CD55: variants seen among roughly 807,000 people sequenced by gnomAD.
CD55 encodes complement decay-accelerating factor.
Under a neutral mutation model 45.8 loss-of-function variants are expected in CD55, and 41 were observed. That is an observed-to-expected ratio of 0.90 (90% CI 0.70 to 1.16). The LOEUF (loss-of-function observed/expected upper bound fraction) is 1.16, where lower values mean the gene tolerates loss of function less well. Among genes scored for constraint, CD55 ranks in the 50% most tolerant of loss-of-function variants. The pLI is 0.00. For missense variants in CD55, 416 were observed against 469.8 expected (o/e 0.89, Z 1.06); for synonymous variants, 181 against 181.1 (o/e 1.00, Z 0.01).
chr1:207,339,019 A>T (rs1347690258), intron 8 of CD55, among the ~76,000 whole-genome samples: 1 of 152,134 alleles, frequency 6.6e-6, no homozygotes, highest in African/African-American at 2.4e-5. Flanking sequence ...GCTAAAAGGG[A>T]CTTAGTCGTC....
rs1289495599 is a variant in CD55 at position 207,356,037 on chromosome 1, A to G, written c.1082-3509A>G. ...ATACAAAATGCAATTAATATCTCCT[A>G]TTTGTAACTCACTTCATAACCAGTA... On this transcript the variant is annotated intron_variant, in intron 9 of 9. Transcript: ENST00000367064. Among the ~76,000 whole-genome samples the G allele has an allele frequency of 2.6e-5, 4 of 152,214 alleles. No homozygotes were observed. In the South Asian group the frequency reaches 6.2e-4, roughly 24 times the overall value.
intron 7 of CD55, 71 bp from the exon 8 acceptor site, chr1:207,337,258 C>G (rs1655220859): frequency 1.0e-6 from 1 of 975,040 alleles, no homozygotes; most frequent in Admixed American, 1.8e-5. Flanking sequence ...CACGTAAGTC[C>G]ACTAATGTAC....
intron 3 of CD55, among the ~76,000 whole-genome samples, chr1:207,325,019 T>C (rs1015331363): frequency 2.6e-5 from 4 of 152,098 alleles, no homozygotes; most frequent in African/African-American, 9.7e-5. Context: ...TCAAAACTTA[T>C]TATAAAGAGA....
chr1:207,324,513 AAATTG>A, intron 2 of CD55, 41 bp from the exon 3 acceptor site: 1 of 1,377,432 alleles, frequency 7.3e-7, no homozygotes, highest in Non-Finnish European at 9.9e-7. Flanking sequence ...TATAAAACAA[AAATTG>A]ATACTACATT....
chr1:207,323,730 A>C (rs371193553), intron 2 of CD55, among the ~76,000 whole-genome samples: 1 of 152,224 alleles, frequency 6.6e-6, no homozygotes, highest in Non-Finnish European at 1.5e-5. Flanking sequence ...TTTTATCCAC[A>C]ATAGAGGCAG....
intron 2 of CD55, among the ~76,000 whole-genome samples, chr1:207,323,988 C>A (rs1287232646): frequency 6.6e-6 from 1 of 152,178 alleles, no homozygotes; most frequent in Non-Finnish European, 1.5e-5. Context: ...TTGACCATGC[C>A]TCTCTAGATT....
intron 9 of CD55, among the ~76,000 whole-genome samples, chr1:207,355,420 T>C: frequency 6.6e-6 from 1 of 152,102 alleles, no homozygotes; most frequent in Non-Finnish European, 1.5e-5. Context: ...AGAAGAAAGA[T>C]TGTGTAAGCT....
intron 9 of CD55, among the ~76,000 whole-genome samples, chr1:207,351,386 A>C (rs566972120): frequency 7.2e-5 from 11 of 152,218 alleles, no homozygotes; most frequent in South Asian, 4.1e-4. Flanking sequence ...AGTTTAGGTC[A>C]TGAATATCTT....
intron 9 of CD55, chr1:207,350,154 A>C: frequency 2.2e-6 from 1 of 453,320 alleles, no homozygotes; most frequent in South Asian, 1.6e-5. Context: ...TTATGTGATG[A>C]ATCACATTTA....
intron 9 of CD55, chr1:207,340,893 C>T (rs1655398877): frequency 6.4e-6 from 2 of 313,146 alleles, no homozygotes; most frequent in African/African-American, 2.2e-5. Flanking sequence ...AGTGGTTGTA[C>T]TAATTTACAT....
At position 207,337,348 on chromosome 1, in the gene CD55, T is replaced by C; in HGVS notation, c.999T>C (p.Val333=). The change falls in exon 8 of 10, where the codon GTT becomes GTC. Residue 333 remains valine, a synonymous_variant. Transcript: ENST00000367064. ...PNAQATRSTP[V]SRTTKHFHET... ...TTACAGCAACACGGAGTACACCTGT[T>C]TCCAGGACAACCAAGCATTTTCATG... is the stretch of plus-strand genomic sequence containing the variant. The C allele has an allele frequency of 2.5e-6, 4 of 1,610,286 alleles. No individual in the cohort carries two copies. Among genetic ancestry groups the C allele is most frequent in the Non-Finnish European group, 3.4e-6 (4 of 1,176,590 alleles).
intron 5 of CD55, among the ~76,000 whole-genome samples, chr1:207,329,149 T>C (rs987813659): frequency 6.6e-6 from 1 of 152,200 alleles, no homozygotes; most frequent in Admixed American, 6.5e-5. Context: ...GCACAGGGAA[T>C]TCTGGGTGCT....
chr1:207,356,711 A>ATTGCTTG (rs1656088978), intron 9 of CD55, among the ~76,000 whole-genome samples: 1 of 152,214 alleles, frequency 6.6e-6, no homozygotes, highest in Non-Finnish European at 1.5e-5. Context: ...TGCTTAGAAC[A>ATTGCTTG]TTGCTTGGCA....
intron 8 of CD55, chr1:207,337,622 CT>C (rs1311512459): frequency 2.5e-6 from 1 of 398,418 alleles, no homozygotes; most frequent in African/African-American, 2.1e-5. Context: ...GAGAAAAAGA[CT>C]GTGGCCCCAT....
chr1:207,326,238 T>C (rs928663988), intron 4 of CD55, among the ~76,000 whole-genome samples: 1 of 152,236 alleles, frequency 6.6e-6, no homozygotes, highest in Non-Finnish European at 1.5e-5. Context: ...AAACTTTACA[T>C]TTATTTTCTC....
chr1:207,321,720 CTCGGCGGAGTCCCGGCGGCGCGTCCT>C lies in CD55; in HGVS notation c.-44_-19del, dbSNP rs1487245977. 1 of 1,404,844 alleles carries C rather than the reference CTCGGCGGAGTCCCGGCGGCGCGTCCT, an allele frequency of 7.1e-7. No homozygotes were observed. Among genetic ancestry groups the C allele is most frequent in the Admixed American group, 2.4e-5 (1 of 41,296 alleles). 87.0% of individuals were successfully genotyped at this position (1,404,844 alleles called of 1,614,324 possible). ...CTCCGGCCGCTGGGCGTAGCTGCGA[CTCGGCGGAGTCCCGGCGGCGCGTCCT>C]TGTTCTAACCCGGCGCGCCATGACC... On this transcript the variant is annotated 5_prime_UTR_variant, in exon 1 of 10. Transcript: ENST00000367064.
chr1:207,329,279 G>T (rs1193837729), intron 5 of CD55, among the ~76,000 whole-genome samples: 1 of 152,216 alleles, frequency 6.6e-6, no homozygotes, highest in Non-Finnish European at 1.5e-5. Context: ...AGGAGGGCCA[G>T]AGCACAGCCT....
intron 5 of CD55, among the ~76,000 whole-genome samples, chr1:207,328,337 AG>A (rs1484519319): frequency 6.6e-6 from 1 of 152,222 alleles, no homozygotes; most frequent in Non-Finnish European, 1.5e-5. Flanking sequence ...TACTTCTTTC[AG>A]GATCATTTTG....
intron 6 of CD55, among the ~76,000 whole-genome samples, chr1:207,334,016 C>G (rs1414096952): frequency 6.6e-6 from 1 of 151,256 alleles, no homozygotes; most frequent in Non-Finnish European, 1.5e-5. Flanking sequence ...CAGAATTTTC[C>G]AAAACTGATA....
Sources: gnomAD v4.1 joint callset for allele counts (sites outside exome capture counted in the v4.1 genomes callset) on GRCh38, gnomAD v4.1.1 for gene constraint, MANE v1.5 for transcripts, NCBI Gene and HGNC (gene_info 2026-07-23, HGNC 2026-07-21) for gene names.